The following SRD5A2 variants were observed in gnomAD, a reference collection of about 807,000 sequenced individuals.
The protein encoded by SRD5A2 is steroid 5 alpha-reductase 2.
Under a neutral mutation model 27.4 loss-of-function variants are expected in SRD5A2, and 30 were observed. That is an observed-to-expected ratio of 1.10 (90% CI 0.82 to 1.49). The LOEUF (loss-of-function observed/expected upper bound fraction) is 1.49. Among genes scored for constraint, SRD5A2 ranks in the 40% most tolerant of loss-of-function variants. The pLI is 0.00. For missense variants in SRD5A2, 348 were observed against 323.4 expected, an observed-to-expected ratio of 1.08 and a Z score of -0.58; for synonymous variants, 141 against 133.6, an observed-to-expected ratio of 1.06 and a Z score of -0.38.
chr2:31,589,665 A>C, the SRD5A2 span, among the ~76,000 whole-genome samples: 1 of 152,062 alleles, frequency 6.6e-6, no homozygotes, highest in Non-Finnish European at 1.5e-5. Flanking sequence ...AGAACTGGGG[A>C]GGGGCCACAG....
At chr2:31,645,261 G>A in the SRD5A2 span, among the ~76,000 whole-genome samples, 1 of 152,094 alleles carries the variant, frequency 6.6e-6, no homozygotes. Flanking sequence ...GCACAACAGG[G>A]TGACTATACT....
chr2:31,551,678 G>T (rs1666382887), intron 1 of SRD5A2, among the ~76,000 whole-genome samples: 2 of 152,062 alleles, frequency 1.3e-5, no homozygotes, highest in South Asian at 4.1e-4. Flanking sequence ...TAGTCAAAAA[G>T]TTTTAAGTAG....
At chr2:31,594,836 A>G in the SRD5A2 span, among the ~76,000 whole-genome samples, 3 of 152,330 alleles carry the variant, frequency 2.0e-5, no homozygotes, top group East Asian at 3.9e-4. Flanking sequence ...AATTTAAGAC[A>G]ATTGAAATTA....
chr2:31,648,287 T>A, the SRD5A2 span, among the ~76,000 whole-genome samples: 1 of 152,264 alleles, frequency 6.6e-6, no homozygotes, highest in East Asian at 1.9e-4. Flanking sequence ...AACTTTACTT[T>A]GTGGTTTAGT....
At chr2:31,581,890 G>T (rs111228245), upstream of SRD5A2, among the ~76,000 whole-genome samples, 1 of 152,042 alleles carries the variant, frequency 6.6e-6, no homozygotes, top group African/African-American at 2.4e-5. Flanking sequence ...TCTCTCTTCC[G>T]TTTCCCACCT....
chr2:31,528,679 T>G (rs369929695), intron 4 of SRD5A2, among the ~76,000 whole-genome samples: 54 of 152,142 alleles, frequency 3.5e-4, no homozygotes, highest in Middle Eastern at 3.4e-3. Context: ...GGTGGGAGAA[T>G]CACTTGAACC....
intron 1 of SRD5A2, among the ~76,000 whole-genome samples, chr2:31,541,369 A>C (rs1572635938): frequency 1.3e-5 from 2 of 152,296 alleles, no homozygotes; most frequent in African/African-American, 4.8e-5. Context: ...GCATTCAAAA[A>C]AAAAAGAGGA....
chr2:31,652,302 C>T, the SRD5A2 span, among the ~76,000 whole-genome samples: 2 of 152,186 alleles, frequency 1.3e-5, no homozygotes, highest in Non-Finnish European at 2.9e-5. Context: ...AAGGAGAATA[C>T]TGATGTGAAA....
intron 4 of SRD5A2, among the ~76,000 whole-genome samples, chr2:31,528,693 G>T (rs957742611): frequency 6.6e-5 from 10 of 152,166 alleles, no homozygotes; most frequent in African/African-American, 2.4e-4. Flanking sequence ...TTGAACCTGG[G>T]AGGTGAAGGC....
At chr2:31,581,056 G>A, upstream of SRD5A2, 1 of 691,368 alleles carries the variant, frequency 1.4e-6, no homozygotes, top group South Asian at 2.1e-5. Context: ...TCCAGCCCTG[G>A]CGCGGTTCGC....
At chr2:31,537,157 A>G (rs1441570345) in intron 1 of SRD5A2, among the ~76,000 whole-genome samples, 1 of 152,260 alleles carries the variant, frequency 6.6e-6, no homozygotes, top group Admixed American at 6.5e-5. Context: ...TTTTCACTAT[A>G]TGAAATTTTA....
chr2:31,619,827 T>A, the SRD5A2 span, among the ~76,000 whole-genome samples: 2 of 152,174 alleles, frequency 1.3e-5, no homozygotes, highest in African/African-American at 4.8e-5. Context: ...TCCTTATACA[T>A]GCTGGATATT....
the SRD5A2 span, among the ~76,000 whole-genome samples, chr2:31,591,666 A>G: frequency 6.7e-6 from 1 of 150,266 alleles, no homozygotes; most frequent in Non-Finnish European, 1.5e-5. Flanking sequence ...TATTCACAAC[A>G]GTGAAGACTT....
chr2:31,617,036 T>C, the SRD5A2 span, among the ~76,000 whole-genome samples: 3 of 152,094 alleles, frequency 2.0e-5, no homozygotes, highest in Non-Finnish European at 4.4e-5. Context: ...GGAAGCTCCT[T>C]TCCTTGGTTC....
At chr2:31,596,307 G>C in the SRD5A2 span, among the ~76,000 whole-genome samples, 3 of 146,420 alleles carry the variant, frequency 2.0e-5, no homozygotes, top group Non-Finnish European at 4.5e-5. Context: ...AGAATCACTT[G>C]AACCCTGGAG....
chr2:31,576,213 T>C (rs1223143087), intron 1 of SRD5A2, among the ~76,000 whole-genome samples: 17 of 112,204 alleles, frequency 1.5e-4, no homozygotes, highest in African/African-American at 5.6e-4. Context: ...ACAGGCAACC[T>C]ACAAAATGGG....
chr2:31,524,130 T>C lies in SRD5A2; in HGVS notation c.*2066A>G. On this transcript the variant is annotated 3_prime_UTR_variant, in exon 5 of 5. Coordinates refer to ENST00000622030, the MANE Select transcript of SRD5A2 (RefSeq NM_000348.4). Reference sequence around the variant, plus strand: ...AGACTGAGTACTGCCATTTATTGTATATTTATTTCATCTCAAGGACCGGCC... The same window carrying C: ...AGACTGAGTACTGCCATTTATTGTACATTTATTTCATCTCAAGGACCGGCC... 4.5e-6 allele frequency: 1 copy of C among 223,106 alleles called. No individual in the cohort carries two copies. The highest frequency in any genetic ancestry group is 2.2e-5 in the African/African-American group (1 of 44,910). The allele number at this position is 223,106 out of a possible 1,614,324, so 13.8% of individuals were successfully genotyped here.
chr2:31,596,221 C>G, the SRD5A2 span, among the ~76,000 whole-genome samples: 1 of 151,962 alleles, frequency 6.6e-6, no homozygotes. Flanking sequence ...AAACCCGTCT[C>G]TACTAAATTT....
chr2:31,634,157 CA>C, the SRD5A2 span, among the ~76,000 whole-genome samples: 8 of 148,922 alleles, frequency 5.4e-5, no homozygotes, highest in African/African-American at 7.4e-5. Context: ...CTTGCAACTG[CA>C]AAAAAAAAAA....
Sources: allele counts gnomAD v4.1 joint callset (sites outside exome capture counted in the v4.1 genomes callset), GRCh38; gene constraint gnomAD v4.1.1; transcripts MANE v1.5; gene names NCBI Gene and HGNC (gene_info 2026-07-23, HGNC 2026-07-21).